TMEM116: variants seen among roughly 807,000 people sequenced by gnomAD.
TMEM116 encodes the protein transmembrane protein 116.
A neutral mutation model predicts 44.3 loss-of-function variants in TMEM116; 38 were observed. That is an observed-to-expected ratio of 0.86 (90% confidence interval 0.66 to 1.12). The LOEUF (loss-of-function observed/expected upper bound fraction) is 1.12. Ranked by LOEUF, TMEM116 falls within the 50% of genes most tolerant of loss-of-function variation. The pLI is 0.00. For synonymous variants in TMEM116, 132 were observed against 144.8 expected, an observed-to-expected ratio of 0.91 and a Z score of 0.64; for missense variants, 354 against 401.7, an observed-to-expected ratio of 0.88 and a Z score of 1.01.
At chr12:111,960,460 C>G (rs2136381197) in intron 4 of TMEM116, among the ~76,000 whole-genome samples, 1 of 143,760 alleles carries the variant, frequency 7.0e-6, no homozygotes, top group South Asian at 2.2e-4. Flanking sequence ...CCACTGTACT[C>G]CAGCCTGGGC....
intron 2 of TMEM116, among the ~76,000 whole-genome samples, chr12:112,004,843 T>C (rs1490047143): frequency 6.6e-6 from 1 of 151,934 alleles, no homozygotes; most frequent in Non-Finnish European, 1.5e-5. Flanking sequence ...AGGGACAGGG[T>C]TTCACCATGT....
At chr12:111,995,564 C>T (rs1313505338) in intron 3 of TMEM116, among the ~76,000 whole-genome samples, 1 of 152,044 alleles carries the variant, frequency 6.6e-6, no homozygotes, top group Non-Finnish European at 1.5e-5. Context: ...ATAGTGAAAC[C>T]CCATCTCTAC....
At chr12:111,974,689 G>A (rs2075567403) in intron 4 of TMEM116, among the ~76,000 whole-genome samples, 1 of 151,146 alleles carries the variant, frequency 6.6e-6, no homozygotes, top group African/African-American at 2.4e-5. Flanking sequence ...GAAATAAAAG[G>A]CATCCAGAAC....
At chr12:111,957,430 G>A (rs568013399) in intron 4 of TMEM116, among the ~76,000 whole-genome samples, 162 of 151,386 alleles carry the variant, frequency 1.1e-3, no homozygotes, top group Admixed American at 2.2e-3. Flanking sequence ...CCCTCCGCCC[G>A]GCAGCCACCC....
intron 4 of TMEM116, among the ~76,000 whole-genome samples, chr12:111,964,906 T>A (rs948801606): frequency 2.0e-5 from 3 of 152,036 alleles, no homozygotes; most frequent in Admixed American, 2.0e-4. Flanking sequence ...TCACCCAGGC[T>A]GGTCTCAAAC....
chr12:112,009,667 A>G (rs939635682), intron 1 of TMEM116, among the ~76,000 whole-genome samples: 4 of 151,176 alleles, frequency 2.6e-5, no homozygotes, highest in Non-Finnish European at 4.4e-5. Context: ...GTGAAACCCC[A>G]TCTCTACTAA....
At chr12:112,000,951 G>T in intron 3 of TMEM116, 1 of 382,888 alleles carries the variant, frequency 2.6e-6, no homozygotes, top group Non-Finnish European at 5.2e-6. Flanking sequence ...ACAGAGCAGG[G>T]CTGCCTGCAG....
intron 1 of TMEM116, among the ~76,000 whole-genome samples, chr12:112,006,714 A>G (rs1429788534): frequency 6.6e-6 from 1 of 152,254 alleles, no homozygotes; most frequent in African/African-American, 2.4e-5. Flanking sequence ...ACCTACACAG[A>G]GTAGCATTCA....
rs749181472 is a variant in TMEM116 at position 111,943,339 on chromosome 12, C to T, written c.241G>A (p.Val81Ile). ...GTGTACAAATACCAGATGTAATTGA[C>T]GGTGTAGAGAAATGAGGAAATGTAG... The part of the protein sequence containing the change: ...IFYISSFLYT[V>I]NYIWYLYTEL... The change falls in exon 5 of 11, where the codon GTC (valine) becomes ATC (isoleucine). Residue 81 changes from valine to isoleucine, a missense_variant. By Grantham distance (29) the Val-to-Ile change is conservative. Coordinates refer to ENST00000552374, the MANE Select transcript of TMEM116 (RefSeq NM_001193531.2). The T allele has an allele frequency of 2.1e-5, 34 of 1,613,706 alleles. No homozygotes were observed. Among genetic ancestry groups the T allele is most frequent in the South Asian group, 5.5e-5 (5 of 91,072 alleles).
At chr12:111,959,942 G>A (rs755628800) in intron 4 of TMEM116, among the ~76,000 whole-genome samples, 2 of 152,200 alleles carry the variant, frequency 1.3e-5, no homozygotes, top group East Asian at 1.9e-4. Flanking sequence ...TTAGATCAAC[G>A]AGACAGAAAA....
At chr12:111,982,304 C>G (rs1409409853) in intron 4 of TMEM116, among the ~76,000 whole-genome samples, 2 of 143,856 alleles carry the variant, frequency 1.4e-5, no homozygotes, top group African/African-American at 5.1e-5. Context: ...AAATGCATAC[C>G]TTTTTTTTTT....
At chr12:111,985,160 G>T (rs1035829245) in intron 4 of TMEM116, among the ~76,000 whole-genome samples, 3 of 152,190 alleles carry the variant, frequency 2.0e-5, no homozygotes. Context: ...AGTTTTGGAA[G>T]TCCTAGCTAG....
intron 4 of TMEM116, among the ~76,000 whole-genome samples, chr12:111,970,114 A>G (rs2136450226): frequency 6.6e-6 from 1 of 151,928 alleles, no homozygotes; most frequent in Middle Eastern, 3.4e-3. Flanking sequence ...AAAAATAGAA[A>G]AATTAGCTGG....
chr12:111,994,155 G>A (rs2076789855), intron 3 of TMEM116, among the ~76,000 whole-genome samples: 1 of 152,190 alleles, frequency 6.6e-6, no homozygotes, highest in Non-Finnish European at 1.5e-5. Context: ...GTAGGAAATT[G>A]TCTATTCCTG....
At chr12:111,983,504 G>A (rs1010291350) in intron 4 of TMEM116, among the ~76,000 whole-genome samples, 3 of 152,014 alleles carry the variant, frequency 2.0e-5, no homozygotes. Context: ...GTCTGAGGTG[G>A]GAGGATTGCT....
chr12:111,952,785 T>G (rs1444489302), intron 4 of TMEM116, among the ~76,000 whole-genome samples: 1 of 152,190 alleles, frequency 6.6e-6, no homozygotes, highest in Non-Finnish European at 1.5e-5. Context: ...CAGACTGGCT[T>G]CCTTGCTCCT....
intron 4 of TMEM116, among the ~76,000 whole-genome samples, chr12:111,969,739 G>A (rs113675324): frequency 0.096 from 14,663 of 151,996 alleles, 810 homozygotes; most frequent in Middle Eastern, 0.18. Context: ...CACTGCGCCC[G>A]GCTAAATTTT....
intron 4 of TMEM116, among the ~76,000 whole-genome samples, chr12:111,957,775 T>C (rs1392777223): frequency 6.6e-6 from 1 of 152,296 alleles, no homozygotes; most frequent in African/African-American, 2.4e-5. Flanking sequence ...CTGGGAGGTG[T>C]ACCCAACAGC....
chr12:111,971,681 T>A (rs947973860), intron 4 of TMEM116, among the ~76,000 whole-genome samples: 1 of 152,008 alleles, frequency 6.6e-6, no homozygotes, highest in African/African-American at 2.4e-5. Flanking sequence ...ATAATCAAAT[T>A]AAATGTAAGG....
Sources: gnomAD v4.1 joint callset for allele counts (sites outside exome capture counted in the v4.1 genomes callset) on GRCh38, gnomAD v4.1.1 for gene constraint, MANE v1.5 for transcripts, NCBI Gene and HGNC (gene_info 2026-07-23, HGNC 2026-07-21) for gene names.